TENM3: variants seen among roughly 807,000 people sequenced by gnomAD.
TENM3 encodes teneurin-3.
Under a neutral mutation model 255.1 loss-of-function variants are expected in TENM3, and 63 were observed. That is an observed-to-expected ratio of 0.25 (90% CI 0.20 to 0.30). TENM3 has a LOEUF of 0.30. Ranked by LOEUF, TENM3 falls within the 10% of genes least tolerant of loss-of-function variation. The pLI, the probability that TENM3 is intolerant of heterozygous loss-of-function variation, is 1.00. For missense variants in TENM3, 2,929 were observed against 3,461.1 expected (o/e 0.85, Z 3.86); for synonymous variants, 1,306 against 1,322.3 (o/e 0.99, Z 0.27).
At chr4:182,417,463 T>C (rs1372566575) in intron 3 of TENM3, among the ~76,000 whole-genome samples, 1 of 152,224 alleles carries the variant, frequency 6.6e-6, no homozygotes, top group African/African-American at 2.4e-5. Flanking sequence ...GGTATATCCT[T>C]GTATGACATG....
At chr4:181,831,517 A>AT in the TENM3 span, among the ~76,000 whole-genome samples, 1 of 148,870 alleles carries the variant, frequency 6.7e-6, no homozygotes, top group Admixed American at 6.7e-5. Context: ...AAAAAACCTG[A>AT]TTTTTTAGAG....
At chr4:182,150,661 C>T (rs962728981) in intron 1 of TENM3, among the ~76,000 whole-genome samples, 3 of 151,940 alleles carry the variant, frequency 2.0e-5, no homozygotes, top group Non-Finnish European at 4.4e-5. Flanking sequence ...TTTAAAAAGA[C>T]CATTTAGGAG....
chr4:181,604,544 G>T, the TENM3 span, among the ~76,000 whole-genome samples: 1 of 152,170 alleles, frequency 6.6e-6, no homozygotes, highest in South Asian at 2.1e-4. Flanking sequence ...TGCGTTCCTC[G>T]GGGCCACTGG....
At chr4:182,325,377 C>T (rs1031217619) in intron 2 of TENM3, among the ~76,000 whole-genome samples, 3 of 152,094 alleles carry the variant, frequency 2.0e-5, no homozygotes, top group African/African-American at 2.4e-5. Flanking sequence ...TCACCCAAGC[C>T]GGTTTACATC....
intron 22 of TENM3, among the ~76,000 whole-genome samples, chr4:182,767,562 TG>T (rs1763823875): frequency 6.6e-6 from 1 of 152,212 alleles, no homozygotes; most frequent in African/African-American, 2.4e-5. Context: ...ATTCTCCCTC[TG>T]TATAAAATGT....
At chr4:181,451,657 A>G in the TENM3 span, among the ~76,000 whole-genome samples, 1 of 152,170 alleles carries the variant, frequency 6.6e-6, no homozygotes, top group Non-Finnish European at 1.5e-5. Context: ...GGGTAGGTTA[A>G]AGATGAAGAA....
At chr4:182,462,484 C>G (rs1271749297) in intron 3 of TENM3, among the ~76,000 whole-genome samples, 1 of 151,656 alleles carries the variant, frequency 6.6e-6, no homozygotes, top group Non-Finnish European at 1.5e-5. Flanking sequence ...CAGCAGCCCT[C>G]CTCTCTGAAC....
the TENM3 span, among the ~76,000 whole-genome samples, chr4:181,919,689 C>A: frequency 6.6e-6 from 1 of 151,600 alleles, no homozygotes; most frequent in Non-Finnish European, 1.5e-5. Flanking sequence ...TGAGGGACCA[C>A]CAAGGTTGTT....
chr4:181,526,547 C>T, the TENM3 span, among the ~76,000 whole-genome samples: 1 of 152,152 alleles, frequency 6.6e-6, no homozygotes, highest in Non-Finnish European at 1.5e-5. Context: ...AGGGGTTCAT[C>T]TTATCTATCC....
chr4:181,671,400 C>T, the TENM3 span, among the ~76,000 whole-genome samples: 1 of 152,146 alleles, frequency 6.6e-6, no homozygotes, highest in African/African-American at 2.4e-5. Flanking sequence ...ATCTGGATCT[C>T]TCTGCAGTAA....
chr4:182,567,346 G>A (rs931911810), intron 3 of TENM3, among the ~76,000 whole-genome samples: 7 of 152,080 alleles, frequency 4.6e-5, no homozygotes, highest in Non-Finnish European at 8.8e-5. Flanking sequence ...TGTCACCCTT[G>A]ACACCTTCCC....
chr4:181,473,608 A>G, the TENM3 span, among the ~76,000 whole-genome samples: 7 of 151,862 alleles, frequency 4.6e-5, no homozygotes, highest in African/African-American at 1.7e-4. Flanking sequence ...CAACAACCAA[A>G]AAAATGAAAT....
At chr4:181,658,040 CT>C in the TENM3 span, among the ~76,000 whole-genome samples, 1 of 152,100 alleles carries the variant, frequency 6.6e-6, no homozygotes, top group Non-Finnish European at 1.5e-5. Flanking sequence ...CTATAGGGGA[CT>C]TTGTTCACTA....
At chr4:181,537,784 C>T in the TENM3 span, among the ~76,000 whole-genome samples, 31,642 of 152,174 alleles carry the variant, frequency 0.21, 3,393 homozygotes, top group South Asian at 0.35. Context: ...ACCACAGCCT[C>T]CCTAGTTAAG....
chr4:182,203,041 C>T (rs996928357), intron 1 of TENM3, among the ~76,000 whole-genome samples: 1 of 151,954 alleles, frequency 6.6e-6, no homozygotes, highest in Non-Finnish European at 1.5e-5. Context: ...CATGGTGAAA[C>T]CCTGTCTCTA....
At chr4:182,390,583 CAGA>C (rs1418969882) in intron 3 of TENM3, among the ~76,000 whole-genome samples, 1 of 152,152 alleles carries the variant, frequency 6.6e-6, no homozygotes, top group Non-Finnish European at 1.5e-5. Flanking sequence ...AATGTGGTTG[CAGA>C]AGGTTTTGAG....
the TENM3 span, among the ~76,000 whole-genome samples, chr4:182,114,074 T>C: frequency 1.3e-5 from 2 of 152,192 alleles, no homozygotes; most frequent in African/African-American, 4.8e-5. Context: ...TTTAATATTT[T>C]TGGGATCAGC....
the TENM3 span, among the ~76,000 whole-genome samples, chr4:181,741,267 T>C: frequency 2.6e-5 from 4 of 152,360 alleles, no homozygotes; most frequent in African/African-American, 9.6e-5. Flanking sequence ...TTTTTATTTC[T>C]GTAATTGTGT....
the TENM3 span, among the ~76,000 whole-genome samples, chr4:181,542,245 A>T: frequency 0.019 from 2,915 of 152,270 alleles, 50 homozygotes; most frequent in East Asian, 0.082. Context: ...TACAGGGAAA[A>T]ACGTGACCCA....
Sources: allele counts gnomAD v4.1 joint callset (sites outside exome capture counted in the v4.1 genomes callset), GRCh38; gene constraint gnomAD v4.1.1; transcripts MANE v1.5; gene names NCBI Gene and HGNC (gene_info 2026-07-23, HGNC 2026-07-21).